The following EPM2A variants were observed in gnomAD, a reference collection of about 807,000 sequenced individuals.
EPM2A encodes the protein EPM2A glucan phosphatase, laforin.
Under a neutral mutation model 26.5 loss-of-function variants are expected in EPM2A, and 21 were observed. That is an observed-to-expected ratio of 0.79 (90% confidence interval 0.56 to 1.14). The LOEUF (loss-of-function observed/expected upper bound fraction) is 1.14, where lower values mean the gene tolerates loss of function less well. EPM2A is among the 50% of genes most tolerant of loss of function. The pLI, the probability that EPM2A is intolerant of heterozygous loss-of-function variation, is 0.00. For missense variants in EPM2A, 458 were observed against 440.8 expected, an observed-to-expected ratio of 1.04 and a Z score of -0.35; for synonymous variants, 217 against 177.6, an observed-to-expected ratio of 1.22 and a Z score of -1.76.
chr6:145,486,980 C>T (rs1045119769), intron 4 of EPM2A, among the ~76,000 whole-genome samples: 1 of 151,710 alleles, frequency 6.6e-6, no homozygotes, highest in African/African-American at 2.4e-5. Flanking sequence ...TGCTTTTTAT[C>T]CTCTCCCTCC....
intron 2 of EPM2A, among the ~76,000 whole-genome samples, chr6:145,655,599 A>G (rs1778219052): frequency 6.6e-6 from 1 of 152,198 alleles, no homozygotes; most frequent in Non-Finnish European, 1.5e-5. Context: ...TTTAATATGA[A>G]AAGGGCCAAA....
chr6:145,503,125 C>A (rs147994947), intron 2 of EPM2A, among the ~76,000 whole-genome samples: 32 of 152,168 alleles, frequency 2.1e-4, no homozygotes, highest in African/African-American at 7.5e-4. Flanking sequence ...TAAATAAATG[C>A]TAGCATTGAT....
At chr6:145,710,172 G>GA (rs1775229202) in intron 1 of EPM2A, among the ~76,000 whole-genome samples, 1 of 152,018 alleles carries the variant, frequency 6.6e-6, no homozygotes, top group African/African-American at 2.4e-5. Context: ...CCATCAGAGT[G>GA]AACAGGCAAC....
downstream of EPM2A, among the ~76,000 whole-genome samples, chr6:145,620,932 C>T (rs1156526751): frequency 6.6e-6 from 1 of 152,126 alleles, no homozygotes; most frequent in African/African-American, 2.4e-5. Flanking sequence ...ATCTCATATA[C>T]CTCCCTTTTT....
At chr6:145,474,096 C>A (rs1275898968) in intron 4 of EPM2A, among the ~76,000 whole-genome samples, 3 of 152,088 alleles carry the variant, frequency 2.0e-5, no homozygotes, top group African/African-American at 7.2e-5. Context: ...AATAAAAAAT[C>A]ATAAGTACAA....
intron 2 of EPM2A, among the ~76,000 whole-genome samples, chr6:145,659,418 A>G (rs1180823060): frequency 6.6e-6 from 1 of 152,214 alleles, no homozygotes; most frequent in Non-Finnish European, 1.5e-5. Flanking sequence ...TAATTATTGA[A>G]AAGATTTTAT....
At chr6:145,639,489 T>C (rs1484724636) in intron 2 of EPM2A, 1 of 152,158 alleles carries the variant, frequency 6.6e-6, no homozygotes, top group African/African-American at 2.4e-5. Flanking sequence ...TTAACTAGAT[T>C]GTGTAAGCAG....
At chr6:145,413,939 C>G (rs74414826) in intron 4 of EPM2A, among the ~76,000 whole-genome samples, 7,485 of 152,224 alleles carry the variant, frequency 0.049, 615 homozygotes, top group African/African-American at 0.17. Flanking sequence ...CCTCTTCCCC[C>G]TCTCCTTCTC....
At chr6:145,411,095 A>G (rs1778637048) in intron 4 of EPM2A, among the ~76,000 whole-genome samples, 1 of 152,156 alleles carries the variant, frequency 6.6e-6, no homozygotes, top group Admixed American at 6.5e-5. Flanking sequence ...GAGTCTGATG[A>G]TTATTTATAT....
At chr6:145,562,116 G>T (rs1276459689) in intron 2 of EPM2A, among the ~76,000 whole-genome samples, 1 of 116,960 alleles carries the variant, frequency 8.5e-6, no homozygotes, top group Non-Finnish European at 1.8e-5. Flanking sequence ...GCTTTCTTTT[G>T]ATTACAAAAA....
At chr6:145,526,202 T>C (rs1259646703) in intron 2 of EPM2A, among the ~76,000 whole-genome samples, 1 of 152,126 alleles carries the variant, frequency 6.6e-6, no homozygotes, top group Non-Finnish European at 1.5e-5. Flanking sequence ...TGCTAGTATT[T>C]TGTTGAGGAT....
intron 4 of EPM2A, among the ~76,000 whole-genome samples, chr6:145,388,342 C>T (rs980992666): frequency 6.6e-6 from 1 of 152,092 alleles, no homozygotes; most frequent in African/African-American, 2.4e-5. Flanking sequence ...TAATCTCTGC[C>T]CTCTTCACTC....
chr6:145,668,696 G>A (rs1408442264), intron 2 of EPM2A, among the ~76,000 whole-genome samples: 2 of 152,078 alleles, frequency 1.3e-5, no homozygotes, highest in South Asian at 2.1e-4. Context: ...CATGGCTTTC[G>A]TTCCCACTTT....
chr6:145,438,136 G>C (rs374896789), intron 4 of EPM2A, among the ~76,000 whole-genome samples: 120 of 152,248 alleles, frequency 7.9e-4, no homozygotes, highest in African/African-American at 2.7e-3. Context: ...GCTCTGGCTT[G>C]GGTTTTCTGA....
chr6:145,436,448 C>T (rs1345908878), intron 4 of EPM2A, among the ~76,000 whole-genome samples: 1 of 152,180 alleles, frequency 6.6e-6, no homozygotes, highest in African/African-American at 2.4e-5. Flanking sequence ...CTACCATTTA[C>T]ATTTCCACCA....
intron 4 of EPM2A, chr6:145,490,405 G>A: frequency 1.2e-6 from 1 of 821,184 alleles, no homozygotes; most frequent in South Asian, 1.4e-5. Context: ...ACATTTGAGG[G>A]TGCTATTTCT....
At chr6:145,623,403 C>A (rs1775678461), downstream of EPM2A, among the ~76,000 whole-genome samples, 2 of 152,080 alleles carry the variant, frequency 1.3e-5, no homozygotes, top group Admixed American at 6.6e-5. Flanking sequence ...CATGTGCATA[C>A]CTGGAGTAGC....
intron 2 of EPM2A, among the ~76,000 whole-genome samples, chr6:145,530,856 G>T (rs550928663): frequency 6.6e-6 from 1 of 152,170 alleles, no homozygotes; most frequent in South Asian, 2.1e-4. Flanking sequence ...TTACAAACAA[G>T]CCTCTGGATT....
chr6:145,671,916 C>T (rs1779674237), intron 2 of EPM2A, among the ~76,000 whole-genome samples: 1 of 151,710 alleles, frequency 6.6e-6, no homozygotes, highest in African/African-American at 2.4e-5. Context: ...TAATTTATGC[C>T]TCTTGAAGTG....
Sources: gnomAD v4.1 joint callset for allele counts (sites outside exome capture counted in the v4.1 genomes callset) on GRCh38, gnomAD v4.1.1 for gene constraint, MANE v1.5 for transcripts, NCBI Gene and HGNC (gene_info 2026-07-23, HGNC 2026-07-21) for gene names.